The following PTPRD variants were observed in gnomAD, a reference collection of about 807,000 sequenced individuals.
PTPRD encodes the protein protein tyrosine phosphatase receptor type D, also known as receptor-type tyrosine-protein phosphatase delta.
PTPRD carries 34 observed loss-of-function variants against 214.5 expected under a neutral mutation model. The observed-to-expected ratio is 0.16, with a 90% CI of 0.12 to 0.21. The LOEUF (loss-of-function observed/expected upper bound fraction) is 0.21, where lower values mean the gene tolerates loss of function less well. PTPRD is among the 10% of genes least tolerant of loss of function. The pLI, the probability that PTPRD is intolerant of heterozygous loss-of-function variation, is 1.00. For synonymous variants in PTPRD, 1,128 were observed against 845.7 expected, an observed-to-expected ratio of 1.33 and a Z score of -5.79; for missense variants, 2,545 against 2,398.7, an observed-to-expected ratio of 1.06 and a Z score of -1.27.
At chr9:8,739,865 G>C (rs566030230) in intron 11 of PTPRD, among the ~76,000 whole-genome samples, 3 of 152,090 alleles carry the variant, frequency 2.0e-5, no homozygotes, top group African/African-American at 7.2e-5. Flanking sequence ...TGATGATTAC[G>C]TAAGGGGGAG....
intron 8 of PTPRD, among the ~76,000 whole-genome samples, chr9:9,418,192 A>AAAGTGTT: frequency 6.6e-6 from 1 of 152,136 alleles, no homozygotes; most frequent in East Asian, 1.9e-4. Flanking sequence ...GGTGCCTGGC[A>AAAGTGTT]AAGTGTTAAG....
At chr9:9,976,785 C>G (rs530336772) in intron 4 of PTPRD, among the ~76,000 whole-genome samples, 1 of 148,434 alleles carries the variant, frequency 6.7e-6, no homozygotes, top group East Asian at 2.1e-4. Flanking sequence ...TTCTTATTCT[C>G]TAGCTAGCTA....
At chr9:10,585,671 G>A (rs1409039097) in intron 2 of PTPRD, among the ~76,000 whole-genome samples, 1 of 151,914 alleles carries the variant, frequency 6.6e-6, no homozygotes, top group Non-Finnish European at 1.5e-5. Flanking sequence ...TAAATTGTAG[G>A]AATGCAATCA....
At chr9:8,626,411 C>A (rs1314443847) in intron 14 of PTPRD, among the ~76,000 whole-genome samples, 1 of 151,824 alleles carries the variant, frequency 6.6e-6, no homozygotes, top group Non-Finnish European at 1.5e-5. Flanking sequence ...TTTTCTTTTA[C>A]TACTACTATT....
At chr9:10,113,023 C>G (rs1231962999) in intron 3 of PTPRD, among the ~76,000 whole-genome samples, 1 of 152,198 alleles carries the variant, frequency 6.6e-6, no homozygotes, top group Non-Finnish European at 1.5e-5. Flanking sequence ...TCTGCCAACG[C>G]CAACCATCAT....
chr9:8,858,820 C>CAG (rs1230703339), intron 11 of PTPRD, among the ~76,000 whole-genome samples: 1 of 150,544 alleles, frequency 6.6e-6, no homozygotes, highest in Non-Finnish European at 1.5e-5. Context: ...CACACACACA[C>CAG]ACACACACAT....
At chr9:9,638,868 G>A (rs1394647105) in intron 7 of PTPRD, among the ~76,000 whole-genome samples, 2 of 152,096 alleles carry the variant, frequency 1.3e-5, no homozygotes, top group East Asian at 3.9e-4. Flanking sequence ...TATGAATGCT[G>A]CATCCTCCAA....
chr9:9,045,199 T>G (rs938736554), intron 10 of PTPRD, among the ~76,000 whole-genome samples: 1 of 152,110 alleles, frequency 6.6e-6, no homozygotes, highest in Non-Finnish European at 1.5e-5. Context: ...TGGGAGCTCA[T>G]TAAAGGAAGG....
chr9:9,855,310 A>T (rs1222945060), intron 5 of PTPRD, among the ~76,000 whole-genome samples: 1 of 152,206 alleles, frequency 6.6e-6, no homozygotes, highest in African/African-American at 2.4e-5. Context: ...TATTCAATAT[A>T]TGGTAACAAA....
intron 7 of PTPRD, among the ~76,000 whole-genome samples, chr9:9,634,141 C>T (rs2095679978): frequency 6.6e-6 from 1 of 152,052 alleles, no homozygotes; most frequent in South Asian, 2.1e-4. Flanking sequence ...AAAAATTCTA[C>T]ATCATCATAA....
chr9:10,043,420 T>G (rs962473210), intron 3 of PTPRD, among the ~76,000 whole-genome samples: 5 of 151,848 alleles, frequency 3.3e-5, no homozygotes, highest in Non-Finnish European at 7.4e-5. Context: ...TGGGGAGTAT[T>G]GCAGAAAACA....
chr9:10,027,283 C>G (rs2096942242), intron 4 of PTPRD, among the ~76,000 whole-genome samples: 1 of 152,106 alleles, frequency 6.6e-6, no homozygotes, highest in Non-Finnish European at 1.5e-5. Flanking sequence ...AACTTTTCAT[C>G]ATGTTGTTAA....
At chr9:9,262,147 G>A (rs1011690719) in intron 9 of PTPRD, among the ~76,000 whole-genome samples, 8 of 151,452 alleles carry the variant, frequency 5.3e-5, no homozygotes, top group African/African-American at 1.9e-4. Context: ...AACAATGACT[G>A]GGTCATGAAA....
chr9:9,806,175 A>C (rs1413678212), intron 5 of PTPRD, among the ~76,000 whole-genome samples: 1 of 152,060 alleles, frequency 6.6e-6, no homozygotes, highest in African/African-American at 2.4e-5. Flanking sequence ...AAGGCAAGAG[A>C]GCTCCAATTC....
intron 37 of PTPRD, among the ~76,000 whole-genome samples, chr9:8,377,642 A>C (rs1304109507): frequency 6.6e-6 from 1 of 152,060 alleles, no homozygotes; most frequent in Non-Finnish European, 1.5e-5. Context: ...AGAGAACCCA[A>C]CTGAAATACA....
intron 11 of PTPRD, among the ~76,000 whole-genome samples, chr9:9,001,104 A>T (rs908617585): frequency 6.6e-6 from 1 of 152,012 alleles, no homozygotes; most frequent in Non-Finnish European, 1.5e-5. Flanking sequence ...GGAATTAATT[A>T]AAAAAGGCAC....
At chr9:9,618,608 G>C (rs1196706247) in intron 7 of PTPRD, among the ~76,000 whole-genome samples, 1 of 152,090 alleles carries the variant, frequency 6.6e-6, no homozygotes, top group East Asian at 1.9e-4. Flanking sequence ...CTGTTAAAGA[G>C]AGGAAACAGA....
At chr9:9,077,257 T>G (rs2099752628) in intron 10 of PTPRD, among the ~76,000 whole-genome samples, 1 of 151,924 alleles carries the variant, frequency 6.6e-6, no homozygotes, top group African/African-American at 2.4e-5. Flanking sequence ...TCTTCCATTC[T>G]GTGGGTTGTC....
At chr9:10,089,608 C>T (rs935908901) in intron 3 of PTPRD, among the ~76,000 whole-genome samples, 1 of 151,546 alleles carries the variant, frequency 6.6e-6, no homozygotes, top group Non-Finnish European at 1.5e-5. Context: ...AGTATACCTG[C>T]ATATTGCTAA....
Sources: allele counts gnomAD v4.1 joint callset (sites outside exome capture counted in the v4.1 genomes callset), GRCh38; gene constraint gnomAD v4.1.1; transcripts MANE v1.5; gene names NCBI Gene and HGNC (gene_info 2026-07-23, HGNC 2026-07-21).